The following SLC26A7 variants were observed in gnomAD, a reference collection of about 807,000 sequenced individuals.
The protein encoded by SLC26A7 is solute carrier family 26 member 7, also known as anion exchange transporter.
SLC26A7 carries 59 observed loss-of-function variants against 82.5 expected under a neutral mutation model. The ratio of observed to expected loss-of-function variants is 0.72; its 90% CI spans 0.58 to 0.89. The LOEUF is 0.89. Ranked by LOEUF, SLC26A7 falls within the 40% of genes least tolerant of loss-of-function variation. SLC26A7 has a pLI of 0.00. For synonymous variants in SLC26A7, 271 were observed against 274.3 expected, an observed-to-expected ratio of 0.99 and a Z score of 0.12; for missense variants, 820 against 793.0, an observed-to-expected ratio of 1.03 and a Z score of -0.41.
chr8:91,263,647 T>C (rs1811030546), intron 2 of SLC26A7, among the ~76,000 whole-genome samples: 1 of 152,082 alleles, frequency 6.6e-6, no homozygotes. Context: ...TTAGTTCCCT[T>C]CTTTCCTTCC....
intron 2 of SLC26A7, among the ~76,000 whole-genome samples, chr8:91,238,184 C>A (rs561234887): frequency 6.6e-6 from 1 of 152,212 alleles, no homozygotes; most frequent in African/African-American, 2.4e-5. Context: ...ATTAAAAATT[C>A]ATAGGAGAAA....
In SLC26A7 at chr8:91,353,539, G is replaced by A. The variant is rs941563577; in HGVS notation, c.1314+543G>A. On this transcript the variant is annotated intron_variant, in intron 11 of 18. Transcript: ENST00000276609. ...AACCATGATAAAGTGTGATTTCTAC[G>A]AACATAAATAGCACACTGATTCTAG... Among the ~76,000 whole-genome samples the A allele has an allele frequency of 2.6e-5, 4 of 152,120 alleles. No individual in the cohort carries two copies. The South Asian group carries it at 6.2e-4, about 24-fold the overall frequency.
intron 9 of SLC26A7, chr8:91,344,321 A>C: frequency 2.2e-6 from 1 of 456,378 alleles, no homozygotes; most frequent in Non-Finnish European, 2.9e-6. Context: ...ACCCAGATAG[A>C]TTTACTTCAA....
chr8:91,325,904 G>A (rs1812919331), intron 5 of SLC26A7, among the ~76,000 whole-genome samples: 1 of 152,162 alleles, frequency 6.6e-6, no homozygotes, highest in South Asian at 2.1e-4. Context: ...ACAAGTCTCT[G>A]GAGCCTTGGT....
At chr8:91,304,431 T>G (rs1160976549) in intron 4 of SLC26A7, among the ~76,000 whole-genome samples, 1 of 152,186 alleles carries the variant, frequency 6.6e-6, no homozygotes, top group African/African-American at 2.4e-5. Flanking sequence ...TGTGAAGACA[T>G]GCTTGCTTCC....
chr8:91,316,260 C>A (rs2130805294), intron 4 of SLC26A7, among the ~76,000 whole-genome samples: 1 of 151,924 alleles, frequency 6.6e-6, no homozygotes, highest in East Asian at 1.9e-4. Flanking sequence ...AAGAGTTAAT[C>A]TCATTTGCCA....
Position 91,249,728 on chromosome 8 carries a change from A to T in SLC26A7, c.77A>T (p.Gln26Leu). 6.2e-7 allele frequency: 1 copy of T among 1,611,762 alleles called. No homozygotes were observed. Residue 26 changes from glutamine (Q) to leucine (L), a missense_variant, in exon 2 of 19, where the codon CAG (glutamine) becomes CTG (leucine). By Grantham distance (113) the Gln-to-Leu change is moderately radical. Coordinates refer to ENST00000276609, the MANE Select transcript of SLC26A7 (RefSeq NM_052832.4). ...ACCCCCCAGTGTGAAGACATTATACAGTGGTGTAGAAGGCGACTGCCCATT... is the reference window on the plus strand; with the variant it reads ...ACCCCCCAGTGTGAAGACATTATACTGTGGTGTAGAAGGCGACTGCCCATT... ...MHTPQCEDII[Q>L]WCRRRLPILD... is the part of the protein sequence containing the mutation.
chr8:91,389,258 T>TA lies in SLC26A7; in HGVS notation c.1676-79dup, dbSNP rs1814885532. On this transcript the variant is annotated intron_variant, in intron 15 of 18. Coordinates refer to ENST00000276609, the MANE Select transcript of SLC26A7 (RefSeq NM_052832.4). ...CTGTTGTTAAACATGAGGCCACTGT[T>TA]ACCCTCCCACCAGTCAACAAAGCCA... The TA allele has an allele frequency of 3.3e-6, 3 of 917,174 alleles. No homozygotes were observed. The East Asian group carries it at 7.2e-5, about 22-fold the overall frequency. 56.8% of individuals were successfully genotyped at this position (917,174 alleles called of 1,614,324 possible). A position where few individuals can be genotyped will look rare whatever the true frequency, so the allele number is the denominator to read the frequency against.
intron 2 of SLC26A7, among the ~76,000 whole-genome samples, chr8:91,263,268 G>C (rs1183127801): frequency 6.6e-6 from 1 of 152,096 alleles, no homozygotes; most frequent in African/African-American, 2.4e-5. Context: ...TTGGAAGGCA[G>C]ATATTGGAAA....
At position 91,366,560 on chromosome 8, in the gene SLC26A7, C is replaced by T; in HGVS notation, c.1489-20C>T. On this transcript the variant is annotated intron_variant, in intron 13 of 18. Coordinates refer to ENST00000276609, the MANE Select transcript of SLC26A7 (RefSeq NM_052832.4). ...TAATTTTCTATTTAGAGTTCTGAAT[C>T]TGTTTTTCTCCTCCAAAAGGAAACC... 6.2e-7 allele frequency: 1 copy of T among 1,606,594 alleles called. No individual in the cohort carries two copies. The highest frequency in any genetic ancestry group is 8.5e-7 in the Non-Finnish European group (1 of 1,178,226).
chr8:91,216,959 C>T (rs1810059764), intron 1 of SLC26A7, among the ~76,000 whole-genome samples: 1 of 152,062 alleles, frequency 6.6e-6, no homozygotes, highest in South Asian at 2.1e-4. Flanking sequence ...TGGTTTCTCC[C>T]CAGGCAGACA....
intron 2 of SLC26A7, among the ~76,000 whole-genome samples, chr8:91,256,539 A>AC (rs1810808054): frequency 6.6e-6 from 1 of 152,148 alleles, no homozygotes; most frequent in East Asian, 1.9e-4. Context: ...TCATGCTGAA[A>AC]TGATGACAGT....
rs180864998 is a variant in SLC26A7 at position 91,222,396 on chromosome 8, A to C, written c.-34+3391A>C. Reference sequence around the variant, plus strand: ...CCTGATTGCCCTGGCCAGAACTTCCAATACTATGTTGAATAGGAGGGGTGA... The same window carrying C: ...CCTGATTGCCCTGGCCAGAACTTCCCATACTATGTTGAATAGGAGGGGTGA... On this transcript the variant is annotated intron_variant, in intron 2 of 5. Coordinates refer to the SLC26A7 transcript ENST00000522862. 4.4e-3 allele frequency among the ~76,000 whole-genome samples: 669 copies of C among 152,220 alleles called. 4 individuals are homozygous for C. Among genetic ancestry groups the C allele is most frequent in the Non-Finnish European group, 6.9e-3 (471 of 68,000 alleles).
At chr8:91,351,723 A>C in intron 9 of SLC26A7, 87 bp from the exon 10 acceptor site, 3 of 838,578 alleles carry the variant, frequency 3.6e-6, no homozygotes, top group Non-Finnish European at 6.0e-6. Flanking sequence ...AGATAAACTA[A>C]GAATTATCCC....
At chr8:91,370,232 T>A (rs917224311) in intron 15 of SLC26A7, among the ~76,000 whole-genome samples, 1 of 151,530 alleles carries the variant, frequency 6.6e-6, no homozygotes, top group Non-Finnish European at 1.5e-5. Flanking sequence ...TTCCTTTTTC[T>A]CTTTACTTCT....
intron 13 of SLC26A7, 23 bp from the exon 14 acceptor site, chr8:91,366,557 A>T (rs1441736242): frequency 6.2e-7 from 1 of 1,606,356 alleles, no homozygotes; most frequent in Admixed American, 1.7e-5. Context: ...TAGAGTTCTG[A>T]ATCTGTTTTT....
chr8:91,318,354 A>G lies in SLC26A7; in HGVS notation c.616A>G (p.Ile206Val), dbSNP rs749163107. Residue 206 changes from isoleucine (I) to valine (V), a missense_variant, in exon 5 of 19, where the codon ATA becomes GTA. By Grantham distance (29) the Ile-to-Val change is conservative. Coordinates refer to ENST00000276609, the MANE Select transcript of SLC26A7 (RefSeq NM_052832.4). Reference sequence around the variant, plus strand: ...TCTCTTGGGAATGAAAATGCCATATATATCCGGACCACTTGGATTCTTTTA... The same window carrying G: ...TCTCTTGGGAATGAAAATGCCATATGTATCCGGACCACTTGGATTCTTTTA... The part of the protein sequence containing the change: ...KYLLGMKMPY[I>V]SGPLGFFYIY... 3 of 1,609,984 alleles carry G rather than the reference A, an allele frequency of 1.9e-6. No individual in the cohort carries two copies. The highest frequency in any genetic ancestry group is 2.5e-6 in the Non-Finnish European group (3 of 1,177,980).
intron 2 of SLC26A7, among the ~76,000 whole-genome samples, chr8:91,243,648 C>T (rs1810503327): frequency 6.6e-6 from 1 of 152,154 alleles, no homozygotes; most frequent in African/African-American, 2.4e-5. Flanking sequence ...AACCTACCGA[C>T]ACTGGGGAAT....
rs113098191 is a variant in SLC26A7, at chr8:91,309,872, T to C, written c.478-8344T>C. On this transcript the variant is annotated intron_variant, in intron 4 of 18. Transcript: ENST00000276609. ...CACTTGGTTAGGAGGGGAGCATGTA[T>C]AGTGTGTTTACTGGAGTCATATGCA... Among the ~76,000 whole-genome samples the C allele has an allele frequency of 1.5e-3, 225 of 152,172 alleles. 2 individuals are homozygous for C. Among genetic ancestry groups the C allele is most frequent in the African/African-American group, 5.3e-3 (222 of 41,516 alleles).
Sources: gnomAD v4.1 joint callset for allele counts (sites outside exome capture counted in the v4.1 genomes callset) on GRCh38, gnomAD v4.1.1 for gene constraint, MANE v1.5 for transcripts, NCBI Gene and HGNC (gene_info 2026-07-23, HGNC 2026-07-21) for gene names.